P3H1: variants seen among roughly 807,000 people sequenced by gnomAD.
P3H1 encodes prolyl 3-hydroxylase 1, also known as growth suppressor 1.
A neutral mutation model predicts 84.0 loss-of-function variants in P3H1; 69 were observed. That is an observed-to-expected ratio of 0.82 (90% confidence interval 0.68 to 1.00). The LOEUF (loss-of-function observed/expected upper bound fraction) is 1.00, where lower values mean the gene tolerates loss of function less well. Among genes scored for constraint, P3H1 ranks in the 50% least tolerant of loss-of-function variants. P3H1 has a pLI of 0.00. For missense variants in P3H1, 878 were observed against 962.8 expected (o/e 0.91, Z 1.17); for synonymous variants, 366 against 388.8 (o/e 0.94, Z 0.69).
At chr1:42,753,343 C>T (rs1652213995) in intron 8 of P3H1, among the ~76,000 whole-genome samples, 1 of 152,202 alleles carries the variant, frequency 6.6e-6, no homozygotes, top group Non-Finnish European at 1.5e-5. Flanking sequence ...TAATTAACCA[C>T]TGTTAATTTA....
At position 42,746,800 on chromosome 1, in the gene P3H1, A is replaced by G. The variant is rs915416583; in HGVS notation, c.2108T>C (p.Met703Thr). 32 of 1,591,704 alleles carry G rather than the reference A, an allele frequency of 2.0e-5. 1 individual carries two copies. In the East Asian group the frequency reaches 7.3e-4, roughly 36 times the overall value. Residue 703 changes from methionine (M) to threonine (T), a missense_variant, in exon 15 of 15, where the codon ATG (methionine) becomes ACG (threonine). Physicochemically the swap from Met to Thr is moderately conservative, Grantham distance 81. Coordinates refer to ENST00000296388, the MANE Select transcript of P3H1 (RefSeq NM_022356.4). ...LVKMLFSPEEMDLSQEQPLDA... is the reference protein window; with the variant it reads ...LVKMLFSPEETDLSQEQPLDA... ...CAGGGGCTGCTCCTGGGAGAGGTCC[A>G]TCTCTTCTGGGCTGAAGAGCATCTT...
Position 42,757,821 on chromosome 1 carries a change from G to A in P3H1, c.1042C>T (p.Leu348Phe), listed in dbSNP as rs1427417913. ...ATGGATCTGGTGTGTTCTTCTCCAAGCATAGCTGCATAATAGGCCAAATTT... is the reference window on the plus strand; with the variant it reads ...ATGGATCTGGTGTGTTCTTCTCCAAACATAGCTGCATAATAGGCCAAATTT... ...NQNLAYYAAM[L>F]GEEHTRSIGP... The change falls in exon 5 of 15, where the codon CTT (leucine) becomes TTT (phenylalanine). Residue 348 changes from leucine (L) to phenylalanine (F), a missense_variant. Coordinates refer to ENST00000296388, the MANE Select transcript of P3H1 (RefSeq NM_022356.4). 1 of 1,614,198 alleles carries A rather than the reference G, an allele frequency of 6.2e-7. No individual in the cohort carries two copies. The highest frequency in any genetic ancestry group is 8.5e-7 in the Non-Finnish European group (1 of 1,180,036).
At chr1:42,748,383 C>G in intron 11 of P3H1, 66 bp from the exon 12 acceptor site, 2 of 1,227,372 alleles carry the variant, frequency 1.6e-6, no homozygotes, top group Non-Finnish European at 1.2e-6. Flanking sequence ...CTCTTCTTGG[C>G]AGGGGAGGTG....
rs1652548116 is a variant in P3H1, at chr1:42,758,909, G to C, written c.883C>G (p.Pro295Ala). 1.2e-6 allele frequency: 2 copies of C among 1,614,094 alleles called. No homozygotes were observed. Among genetic ancestry groups the C allele is most frequent in the East Asian group, 2.2e-5 (1 of 44,880 alleles). The change falls in exon 4 of 15, where the codon CCC becomes GCC. Residue 295 changes from proline (P) to alanine (A), a missense_variant. Physicochemically the swap from Pro to Ala is conservative, Grantham distance 27. Coordinates refer to ENST00000296388, the MANE Select transcript of P3H1 (RefSeq NM_022356.4). ...TGCGATGGGAGGAAGTCTTCAAAGG[G>C]CTTCTCTCGACTTGGGTGGGAAGCA... ...ELASHPSREK[P>A]FEDFLPSHYN...
intron 1 of P3H1, among the ~76,000 whole-genome samples, chr1:42,764,061 C>T (rs1176622503): frequency 2.0e-5 from 3 of 151,696 alleles, no homozygotes; most frequent in East Asian, 1.9e-4. Context: ...ACCCAGGAGG[C>T]GGAGGTTGCA....
In P3H1 at chr1:42,750,441, TG is replaced by T. The variant is rs539969375; in HGVS notation, c.1570-106del. On this transcript the variant is annotated intron_variant, in intron 10 of 14. Coordinates refer to ENST00000296388, the MANE Select transcript of P3H1 (RefSeq NM_022356.4). ...TAGTTCCCATAATTCCCATGTGTTG[TG>T]GAAGGGACCTGGTGGGAGATGACTG... The T allele has an allele frequency of 7.5e-5, 97 of 1,300,248 alleles. 1 individual carries two copies. In the East Asian group the frequency reaches 2.0e-3, roughly 27 times the overall value. The allele number at this position is 1,300,248 out of a possible 1,614,324, so 80.5% of individuals were successfully genotyped here.
intron 1 of P3H1, among the ~76,000 whole-genome samples, chr1:42,764,683 G>A (rs1037189376): frequency 3.3e-5 from 5 of 152,140 alleles, no homozygotes; most frequent in African/African-American, 1.2e-4. Context: ...TAGGTGGTAT[G>A]ATTAATATGC....
chr1:42,767,010 A>G lies in P3H1; in HGVS notation c.-39T>C, dbSNP rs1026631924. The G allele has an allele frequency of 9.4e-6, 15 of 1,596,174 alleles. No homozygotes were observed. Among genetic ancestry groups the G allele is most frequent in the Non-Finnish European group, 1.3e-5 (15 of 1,176,308 alleles). On this transcript the variant is annotated 5_prime_UTR_variant, in exon 1 of 15. Coordinates refer to ENST00000296388, the MANE Select transcript of P3H1 (RefSeq NM_022356.4). ...CTAACGGAACCGCCAGCCACCCGCCACCAAGGCCGGAGTCCTACCCCCGGC... is the reference window on the plus strand; with the variant it reads ...CTAACGGAACCGCCAGCCACCCGCCGCCAAGGCCGGAGTCCTACCCCCGGC...
chr1:42,758,087 G>A, intron 4 of P3H1, 165 bp from the exon 5 acceptor site: 2 of 739,214 alleles, frequency 2.7e-6, no homozygotes, highest in Admixed American at 3.9e-5. Flanking sequence ...TTCAGGGGCA[G>A]GAGTTAAGTA....
Position 42,752,631 on chromosome 1 carries a change from G to A in P3H1, c.1379C>T (p.Thr460Ile), listed in dbSNP as rs768767283. 8 of 1,614,174 alleles carry A rather than the reference G, an allele frequency of 5.0e-6. No homozygotes were observed. The South Asian group carries it at 8.8e-5, about 18-fold the overall frequency. Residue 460 changes from threonine to isoleucine, a missense_variant, in exon 9 of 15, where the codon ACC becomes ATC. Physicochemically the swap from Thr to Ile is moderately conservative, Grantham distance 89 (BLOSUM62 -1). Coordinates refer to ENST00000296388, the MANE Select transcript of P3H1 (RefSeq NM_022356.4). Reference sequence around the variant, plus strand: ...ACCATTCAGGAGTTTGGAGTTCATGGTGAGACTGATGCCTTCATACAGCAG... The same window carrying A: ...ACCATTCAGGAGTTTGGAGTTCATGATGAGACTGATGCCTTCATACAGCAG... ...GPLLYEGISL[T>I]MNSKLLNGSQ...
intron 4 of P3H1, among the ~76,000 whole-genome samples, chr1:42,758,174 A>T (rs1459426328): frequency 6.6e-6 from 1 of 152,236 alleles, no homozygotes; most frequent in Non-Finnish European, 1.5e-5. Flanking sequence ...GAAACAGAAA[A>T]GAATCAGAAT....
chr1:42,762,058 G>T, intron 2 of P3H1: 1 of 435,518 alleles, frequency 2.3e-6, no homozygotes, highest in East Asian at 4.5e-5. Flanking sequence ...TTTCTACAAT[G>T]TTATACAATG....
At chr1:42,758,815 T>C in intron 4 of P3H1, 37 bp downstream of exon 4, 1 of 1,613,180 alleles carries the variant, frequency 6.2e-7, no homozygotes, top group Non-Finnish European at 8.5e-7. Context: ...GCTTCTTAGT[T>C]AGCCAGCAGA....
intron 1 of P3H1, among the ~76,000 whole-genome samples, chr1:42,765,914 G>A (rs1652961668): frequency 6.6e-6 from 1 of 151,744 alleles, no homozygotes; most frequent in African/African-American, 2.4e-5. Flanking sequence ...AGCCTGGAAC[G>A]CTCCAAGCCC....
chr1:42,753,489 T>C (rs1212261580), intron 8 of P3H1, among the ~76,000 whole-genome samples: 2 of 152,190 alleles, frequency 1.3e-5, no homozygotes, highest in Non-Finnish European at 2.9e-5. Context: ...CCAGGAACTG[T>C]GCCAGATAGG....
intron 5 of P3H1, chr1:42,756,530 A>C (rs1415002543): frequency 1.3e-5 from 2 of 154,406 alleles, no homozygotes; most frequent in African/African-American, 4.8e-5. Context: ...GAGGCAGTTC[A>C]AGGAGGAATT....
At chr1:42,765,773 C>A (rs1361792698) in intron 1 of P3H1, among the ~76,000 whole-genome samples, 1 of 152,022 alleles carries the variant, frequency 6.6e-6, no homozygotes, top group Non-Finnish European at 1.5e-5. Flanking sequence ...CTAATAACAG[C>A]ATCTACCTGA....
Position 42,757,913 on chromosome 1 carries a change from T to A in P3H1, c.950A>T (p.Tyr317Phe), listed in dbSNP as rs779722983. The stretch of plus-strand genomic sequence containing the variant: ...CTTGGCACATTCAACAGCCTGTGTA[T>A]AATTCCCAACTGCAAAGTGGAAAGA... Reference protein sequence around the residue: ...LQFAYYNIGNYTQAVECAKTY... With the variant: ...LQFAYYNIGNFTQAVECAKTY... The change falls in exon 5 of 15, where the codon TAT becomes TTT. Residue 317 changes from tyrosine (Y) to phenylalanine (F), a missense_variant. Physicochemically the swap from Tyr to Phe is conservative, Grantham distance 22. Coordinates refer to ENST00000296388, the MANE Select transcript of P3H1 (RefSeq NM_022356.4). The A allele has an allele frequency of 1.2e-6, 2 of 1,614,148 alleles. No individual in the cohort carries two copies. Among genetic ancestry groups the A allele is most frequent in the South Asian group, 2.2e-5 (2 of 91,088 alleles).
chr1:42,759,174 G>A, intron 3 of P3H1, 27 bp downstream of exon 3: 1 of 1,612,670 alleles, frequency 6.2e-7, no homozygotes, highest in South Asian at 1.1e-5. Flanking sequence ...AGGCCTGGCT[G>A]AAGGTCTGGC....
Sources: gnomAD v4.1 joint callset for allele counts (sites outside exome capture counted in the v4.1 genomes callset) on GRCh38, gnomAD v4.1.1 for gene constraint, MANE v1.5 for transcripts, NCBI Gene and HGNC (gene_info 2026-07-23, HGNC 2026-07-21) for gene names.